The following GALNTL6 variants were observed in gnomAD, a reference collection of about 807,000 sequenced individuals.
The protein encoded by GALNTL6 is polypeptide N-acetylgalactosaminyltransferase-like 6.
A neutral mutation model predicts 73.7 loss-of-function variants in GALNTL6; 46 were observed. That is an observed-to-expected ratio of 0.62 (90% CI 0.49 to 0.80). The LOEUF (loss-of-function observed/expected upper bound fraction) is 0.80, where lower values mean the gene tolerates loss of function less well. Among genes scored for constraint, GALNTL6 ranks in the 30% least tolerant of loss-of-function variants. The probability of loss-of-function intolerance (pLI) is 0.00; values close to 1 mark genes in which losing one functional copy is unlikely to be tolerated. For missense variants in GALNTL6, 604 were observed against 755.0 expected (o/e 0.80, Z 2.34); for synonymous variants, 259 against 263.7 (o/e 0.98, Z 0.17).
At chr4:172,936,148 T>C (rs1366616933) in intron 9 of GALNTL6, among the ~76,000 whole-genome samples, 2 of 152,106 alleles carry the variant, frequency 1.3e-5, no homozygotes, top group African/African-American at 4.8e-5. Flanking sequence ...ATAAACATAA[T>C]CCATCACATA....
chr4:172,497,859 C>A, intron 5 of GALNTL6, among the ~76,000 whole-genome samples: 1 of 152,026 alleles, frequency 6.6e-6, no homozygotes, highest in East Asian at 1.9e-4. Flanking sequence ...GACATAGGTT[C>A]TAGTGGTAAA....
intron 5 of GALNTL6, among the ~76,000 whole-genome samples, chr4:172,785,456 C>T (rs1163410024): frequency 1.3e-5 from 2 of 151,744 alleles, no homozygotes; most frequent in Admixed American, 1.3e-4. Flanking sequence ...GATCATAAAC[C>T]TGCTAATTAG....
intron 11 of GALNTL6, among the ~76,000 whole-genome samples, chr4:173,017,245 A>G (rs976785589): frequency 2.6e-5 from 4 of 152,244 alleles, no homozygotes; most frequent in Admixed American, 2.6e-4. Flanking sequence ...ATTCAAAAGA[A>G]GAAAGCAGAG....
chr4:171,895,863 G>T (rs1736898490), intron 2 of GALNTL6, among the ~76,000 whole-genome samples: 1 of 151,114 alleles, frequency 6.6e-6, no homozygotes, highest in South Asian at 2.1e-4. Context: ...AAATAATAAT[G>T]ATTAAAAAGA....
intron 5 of GALNTL6, among the ~76,000 whole-genome samples, chr4:172,768,434 A>C (rs1456114273): frequency 6.6e-6 from 1 of 152,190 alleles, no homozygotes; most frequent in Non-Finnish European, 1.5e-5. Context: ...CACCATTGTG[A>C]GAACGAATTC....
At chr4:172,066,776 C>T (rs1349364255) in intron 2 of GALNTL6, among the ~76,000 whole-genome samples, 2 of 152,026 alleles carry the variant, frequency 1.3e-5, no homozygotes, top group African/African-American at 4.8e-5. Flanking sequence ...GCCTAATGAC[C>T]CTACTAAACC....
At position 171,839,336 on chromosome 4, in the gene GALNTL6, C is replaced by A. The variant is rs367935505; in HGVS notation, c.138+24618C>A. On this transcript the variant is annotated intron_variant, in intron 2 of 12. Coordinates refer to ENST00000506823, the MANE Select transcript of GALNTL6 (RefSeq NM_001034845.3). ...CAATTTCTGATTTAAAAAAAATCTG[C>A]CTGACTGGTTGATCAGGAATTTATC... 7.2e-5 allele frequency among the ~76,000 whole-genome samples: 11 copies of A among 152,178 alleles called. No individual in the cohort carries two copies. The East Asian group carries it at 7.7e-4, about 11-fold the overall frequency.
chr4:172,470,790 A>G, intron 5 of GALNTL6, among the ~76,000 whole-genome samples: 1 of 152,224 alleles, frequency 6.6e-6, no homozygotes, highest in East Asian at 1.9e-4. Context: ...AAATCAAAGT[A>G]TCTCTATACA....
chr4:172,935,902 A>G (rs1748588786), intron 9 of GALNTL6, among the ~76,000 whole-genome samples: 1 of 152,236 alleles, frequency 6.6e-6, no homozygotes, highest in Non-Finnish European at 1.5e-5. Context: ...AAAAATAGAT[A>G]GAGAGGGAAT....
intron 2 of GALNTL6, among the ~76,000 whole-genome samples, chr4:172,195,492 G>A (rs1735733567): frequency 6.6e-6 from 1 of 152,092 alleles, no homozygotes; most frequent in South Asian, 2.1e-4. Context: ...ATTCTTCTTG[G>A]TACCACTTGG....
At chr4:172,487,327 T>C (rs572095948) in intron 5 of GALNTL6, among the ~76,000 whole-genome samples, 15 of 136,598 alleles carry the variant, frequency 1.1e-4, no homozygotes, top group South Asian at 2.3e-4. Flanking sequence ...TCTTTCTTTC[T>C]TTCTTTCTTT....
chr4:171,814,799 G>T, intron 2 of GALNTL6, 81 bp downstream of exon 2: 1 of 1,445,730 alleles, frequency 6.9e-7, no homozygotes, highest in Non-Finnish European at 9.6e-7. Context: ...AGCCGGTGTG[G>T]GATCGCCTTG....
At chr4:171,818,214 A>G (rs1005082212) in intron 2 of GALNTL6, among the ~76,000 whole-genome samples, 11 of 151,768 alleles carry the variant, frequency 7.2e-5, no homozygotes, top group South Asian at 4.1e-4. Flanking sequence ...GTGAGTTAGG[A>G]TGATACATAG....
intron 2 of GALNTL6, among the ~76,000 whole-genome samples, chr4:172,015,552 T>C (rs1258348754): frequency 6.6e-6 from 1 of 152,072 alleles, no homozygotes; most frequent in Non-Finnish European, 1.5e-5. Context: ...ATTTAATGTT[T>C]GTTTTGAGAT....
intron 2 of GALNTL6, among the ~76,000 whole-genome samples, chr4:172,213,894 G>T (rs1579262826): frequency 6.6e-6 from 1 of 152,264 alleles, no homozygotes; most frequent in South Asian, 2.1e-4. Context: ...AGTACCCTAA[G>T]ATTTCGTGTA....
chr4:171,869,938 T>G (rs1362381469), intron 2 of GALNTL6, among the ~76,000 whole-genome samples: 1 of 152,160 alleles, frequency 6.6e-6, no homozygotes, highest in Non-Finnish European at 1.5e-5. Context: ...ATAAATTACC[T>G]AATCTTGGGT....
chr4:172,935,318 G>A (rs1748553477), intron 9 of GALNTL6, among the ~76,000 whole-genome samples: 1 of 152,080 alleles, frequency 6.6e-6, no homozygotes. Flanking sequence ...CTCTGACATA[G>A]TATCAGTAAT....
intron 5 of GALNTL6, among the ~76,000 whole-genome samples, chr4:172,771,639 C>G (rs1206658646): frequency 6.6e-6 from 1 of 152,166 alleles, no homozygotes; most frequent in African/African-American, 2.4e-5. Context: ...CAACATTTTT[C>G]TATGGCCATG....
At chr4:171,817,522 C>A (rs1308859246) in intron 2 of GALNTL6, among the ~76,000 whole-genome samples, 3 of 151,552 alleles carry the variant, frequency 2.0e-5, no homozygotes, top group Non-Finnish European at 4.4e-5. Context: ...ACAGGAAACA[C>A]TGATGGGAAC....
Sources: allele counts gnomAD v4.1 joint callset (sites outside exome capture counted in the v4.1 genomes callset), GRCh38; gene constraint gnomAD v4.1.1; transcripts MANE v1.5; gene names NCBI Gene and HGNC (gene_info 2026-07-23, HGNC 2026-07-21).